The following FAM168A variants were observed in gnomAD, a reference collection of about 807,000 sequenced individuals.
FAM168A encodes the protein family with sequence similarity 168 member A.
A neutral mutation model predicts 28.5 loss-of-function variants in FAM168A; 3 were observed. That is an observed-to-expected ratio of 0.11 (90% CI 0.05 to 0.27). The LOEUF is 0.27. Among genes scored for constraint, FAM168A ranks in the 10% least tolerant of loss-of-function variants. FAM168A has a pLI of 1.00. For missense variants in FAM168A, 222 were observed against 311.5 expected (o/e 0.71, Z 2.16); for synonymous variants, 122 against 124.2 (o/e 0.98, Z 0.12).
chr11:73,497,450 C>A (rs1025840551), intron 1 of FAM168A, among the ~76,000 whole-genome samples: 1 of 151,190 alleles, frequency 6.6e-6, no homozygotes, highest in African/African-American at 2.4e-5. Flanking sequence ...TCCATACCCC[C>A]CCTCAAAAAA....
intron 2 of FAM168A, among the ~76,000 whole-genome samples, chr11:73,442,821 C>A (rs1590779794): frequency 7.2e-6 from 1 of 138,504 alleles, no homozygotes; most frequent in African/African-American, 2.7e-5. Context: ...GCTTCTATTT[C>A]TTTTCTTTCT....
intron 1 of FAM168A, among the ~76,000 whole-genome samples, chr11:73,554,209 CA>C (rs1343846375): frequency 6.6e-6 from 1 of 151,696 alleles, no homozygotes; most frequent in African/African-American, 2.4e-5. Context: ...AACCCATCTC[CA>C]CAAAAAACAA....
At chr11:73,549,536 G>A (rs1329570661) in intron 1 of FAM168A, among the ~76,000 whole-genome samples, 5 of 152,178 alleles carry the variant, frequency 3.3e-5, no homozygotes, top group East Asian at 1.9e-4. Flanking sequence ...GCAGGACAGC[G>A]CTATGTCTAA....
chr11:73,471,047 G>A (rs1443931941), intron 1 of FAM168A, among the ~76,000 whole-genome samples: 1 of 152,156 alleles, frequency 6.6e-6, no homozygotes, highest in African/African-American at 2.4e-5. Flanking sequence ...ATTAATGACT[G>A]ACAGAAATGA....
chr11:73,498,266 A>T (rs890978411), intron 1 of FAM168A, among the ~76,000 whole-genome samples: 16 of 152,180 alleles, frequency 1.1e-4, no homozygotes, highest in Admixed American at 1.0e-3. Flanking sequence ...CATGGAGAAA[A>T]GGAAGAGCAG....
chr11:73,480,876 C>T (rs774254445), intron 1 of FAM168A, among the ~76,000 whole-genome samples: 4 of 152,146 alleles, frequency 2.6e-5, no homozygotes, highest in Non-Finnish European at 5.9e-5. Context: ...TTATCTAAAA[C>T]GGATGTAATT....
At chr11:73,457,926 A>G (rs1403127631) in intron 2 of FAM168A, among the ~76,000 whole-genome samples, 1 of 152,094 alleles carries the variant, frequency 6.6e-6, no homozygotes, top group Non-Finnish European at 1.5e-5. Flanking sequence ...CCTCATATGT[A>G]AAATAATAAT....
intron 1 of FAM168A, among the ~76,000 whole-genome samples, chr11:73,545,683 CTTTTTTTTTTTTT>C (rs966309670): frequency 1.1e-4 from 12 of 105,164 alleles, no homozygotes; most frequent in Non-Finnish European, 1.8e-4. Flanking sequence ...ATACTATATA[CTTTTTTTTTTTTT>C]TTTTTTTTTT....
intron 1 of FAM168A, among the ~76,000 whole-genome samples, chr11:73,554,162 G>A (rs117450535): frequency 0.014 from 2,123 of 152,024 alleles, 32 homozygotes; most frequent in African/African-American, 0.041. Flanking sequence ...GATCACTTGA[G>A]CCAGGAGTTC....
intron 1 of FAM168A, among the ~76,000 whole-genome samples, chr11:73,575,407 A>G (rs1944160071): frequency 6.6e-6 from 1 of 152,230 alleles, no homozygotes; most frequent in African/African-American, 2.4e-5. Flanking sequence ...TTCAACTTGA[A>G]TGTATCTTCA....
At chr11:73,581,403 T>A (rs566940830) in intron 1 of FAM168A, among the ~76,000 whole-genome samples, 99 of 152,360 alleles carry the variant, frequency 6.5e-4, no homozygotes, top group Non-Finnish European at 1.3e-3. Context: ...ATATCACATT[T>A]ATGAGCTTCT....
intron 2 of FAM168A, among the ~76,000 whole-genome samples, chr11:73,451,777 T>C (rs1867435268): frequency 6.6e-6 from 1 of 152,282 alleles, no homozygotes; most frequent in South Asian, 2.1e-4. Flanking sequence ...CACTCCATTA[T>C]ATTTGCACAA....
chr11:73,496,917 GCACACA>G (rs376951839), intron 1 of FAM168A, among the ~76,000 whole-genome samples: 1 of 129,330 alleles, frequency 7.7e-6, no homozygotes, highest in African/African-American at 3.6e-5. Flanking sequence ...GCACACACAC[GCACACA>G]CACACACAGT....
chr11:73,479,844 GATGGATGGATGAATAA>G (rs1867944301), intron 1 of FAM168A, among the ~76,000 whole-genome samples: 2 of 152,130 alleles, frequency 1.3e-5, no homozygotes, highest in Admixed American at 1.3e-4. Flanking sequence ...TGAATGAATG[GATGGATGGATGAATAA>G]AAACAGTTTA....
At chr11:73,531,376 T>C (rs1565285841) in intron 1 of FAM168A, among the ~76,000 whole-genome samples, 1 of 152,174 alleles carries the variant, frequency 6.6e-6, no homozygotes, top group Non-Finnish European at 1.5e-5. Flanking sequence ...AGTATTAACT[T>C]AGGAGATGAA....
At position 73,485,650 on chromosome 11, in the gene FAM168A, C is replaced by T. The variant is rs557762762; in HGVS notation, c.-18-17158G>A. On this transcript the variant is annotated intron_variant, in intron 1 of 7. Coordinates refer to ENST00000356467, the MANE Select transcript of FAM168A (RefSeq NM_015159.3). ...CTTCACTGATAATCTGTTTGTTTTT[C>T]GTCCTATTTTATTACGTGTATTTTA... 5.3e-5 allele frequency among the ~76,000 whole-genome samples: 8 copies of T among 152,180 alleles called. No homozygotes were observed. In the South Asian group the frequency reaches 1.2e-3, roughly 24 times the overall value.
At chr11:73,453,249 C>T (rs1460457285) in intron 2 of FAM168A, among the ~76,000 whole-genome samples, 1 of 152,184 alleles carries the variant, frequency 6.6e-6, no homozygotes, top group Non-Finnish European at 1.5e-5. Flanking sequence ...TTATAATAAA[C>T]CCATCCACTA....
chr11:73,407,402 A>G (rs879768776), intron 7 of FAM168A, 111 bp downstream of exon 7: 20 of 608,876 alleles, frequency 3.3e-5, no homozygotes, highest in Non-Finnish European at 4.1e-5. Context: ...TGGTAACTTG[A>G]CAGCTGTTAC....
At chr11:73,431,669 A>G (rs151141776) in intron 2 of FAM168A, among the ~76,000 whole-genome samples, 2,025 of 152,314 alleles carry the variant, frequency 0.013, 44 homozygotes, top group African/African-American at 0.045. Flanking sequence ...GTTCGGAAGA[A>G]GTGCCCACAA....
Sources: gnomAD v4.1 joint callset for allele counts (sites outside exome capture counted in the v4.1 genomes callset) on GRCh38, gnomAD v4.1.1 for gene constraint, MANE v1.5 for transcripts, NCBI Gene and HGNC (gene_info 2026-07-23, HGNC 2026-07-21) for gene names.